HCCS: variants seen among roughly 807,000 people sequenced by gnomAD.
HCCS encodes holocytochrome c-type synthase.
In HCCS, 2 loss-of-function variants were observed where a neutral mutation model predicts 24.2. That is an observed-to-expected ratio of 0.08 (90% CI 0.03 to 0.26). HCCS has a LOEUF of 0.26. HCCS is among the 10% of genes least tolerant of loss of function. The pLI, the probability that HCCS is intolerant of heterozygous loss-of-function variation, is 1.00. For missense variants in HCCS, 150 were observed against 213.3 expected (o/e 0.70, Z 1.85); for synonymous variants, 73 against 76.2 (o/e 0.96, Z 0.22).
chrX:11,113,229 T>C (rs769065193), intron 2 of HCCS, among the ~76,000 whole-genome samples: 8 of 112,244 alleles, frequency 7.1e-5, no homozygotes, highest in Non-Finnish European at 1.1e-4. Context: ...CTGTTATTCA[T>C]TTCTTCAGTC....
At chrX:11,121,434 G>A (rs2045490966) in intron 6 of HCCS, among the ~76,000 whole-genome samples, 178 bp from the exon 7 acceptor site, 1 of 112,490 alleles carries the variant, frequency 8.9e-6, no homozygotes, top group African/African-American at 3.2e-5. Context: ...ACTTATCACA[G>A]TTCTTCAGTG....
rs139883766 is a variant in HCCS at position 11,119,762 on chromosome X, A to C, written c.521+1142A>C. Among the ~76,000 whole-genome samples, 794 of 112,186 alleles carry C rather than the reference A, an allele frequency of 7.1e-3. 7 individuals carry two copies. Among genetic ancestry groups the C allele is most frequent in the African/African-American group, 0.025 (775 of 30,844 alleles). On this transcript the variant is annotated intron_variant, in intron 5 of 6. Coordinates refer to ENST00000380762, the MANE Select transcript of HCCS (RefSeq NM_005333.5). ...CCGTGTTGCCCTCAGTAATCTCTGG[A>C]CTGAGAGGAGCCACAAGTGTTTGCA...
Position 11,116,932 on chromosome X carries a change from G to A in HCCS, c.253-335G>A, listed in dbSNP as rs754824773. On this transcript the variant is annotated intron_variant, in intron 3 of 6. Coordinates refer to ENST00000380762, the MANE Select transcript of HCCS (RefSeq NM_005333.5). ...ATGAATAGTCATTTTTGAAAAGCTTGTCGTAAAGTTTTTAGAAATGCCTGA... is the reference window on the plus strand; with the variant it reads ...ATGAATAGTCATTTTTGAAAAGCTTATCGTAAAGTTTTTAGAAATGCCTGA... Among the ~76,000 whole-genome samples, 3 of 112,744 alleles carry A rather than the reference G, an allele frequency of 2.7e-5. No homozygotes were observed. The South Asian group carries it at 1.1e-3, about 41-fold the overall frequency.
intron 2 of HCCS, among the ~76,000 whole-genome samples, chrX:11,112,568 G>A (rs1215064999): frequency 2.7e-5 from 3 of 112,353 alleles, no homozygotes. Flanking sequence ...CCCTGGGTCT[G>A]GTCGTTATTT....
intron 3 of HCCS, among the ~76,000 whole-genome samples, chrX:11,115,752 C>T (rs1362410810): frequency 8.9e-6 from 1 of 112,296 alleles, no homozygotes; most frequent in Non-Finnish European, 1.9e-5. Context: ...TTATCTTGCA[C>T]ATAGGCCTTC....
At chrX:11,117,663 T>C (rs751835579) in intron 4 of HCCS, among the ~76,000 whole-genome samples, 2 of 111,248 alleles carry the variant, frequency 1.8e-5, no homozygotes, top group East Asian at 5.7e-4. Context: ...CAGGAAGATA[T>C]TTATTGTAGG....
rs1046685344 is a variant in HCCS at position 11,114,406 on chromosome X, G to C, written c.101-429G>C. ...CCTGGATTGCAACTGTGTCCTGATT[G>C]GATCTGGGCTTCTCTGGAACTAGTG... On this transcript the variant is annotated intron_variant, in intron 2 of 6. Coordinates refer to ENST00000380762, the MANE Select transcript of HCCS (RefSeq NM_005333.5). Among the ~76,000 whole-genome samples, 7 of 111,933 alleles carry C rather than the reference G, an allele frequency of 6.3e-5. No individual in the cohort carries two copies. In the Admixed American group the frequency reaches 6.6e-4, roughly 11 times the overall value.
Position 11,120,761 on chromosome X carries a change from A to G in HCCS, c.522-146A>G, listed in dbSNP as rs1322054934. 3.2e-5 allele frequency: 17 copies of G among 538,972 alleles called. No individual in the cohort carries two copies. In the Admixed American group the frequency reaches 4.3e-4, roughly 14 times the overall value. The allele number at this position is 538,972 out of a possible 1,213,427, so 44.4% of individuals were successfully genotyped here. A position where few individuals can be genotyped will look rare whatever the true frequency, so the allele number is the denominator to read the frequency against. On this transcript the variant is annotated intron_variant, in intron 5 of 6. Transcript: ENST00000380762. ...CAAATAGGCACTTGTTGTTTGAATT[A>G]TTTTAGAACTTACCTTTCTCTGTAA...
chrX:11,113,742 A>G (rs1467599142), intron 2 of HCCS, among the ~76,000 whole-genome samples: 4 of 112,131 alleles, frequency 3.6e-5, no homozygotes, highest in African/African-American at 1.3e-4. Flanking sequence ...AAAAGTTGAA[A>G]TGTTATTTTC....
rs572801687 is a variant in HCCS at position 11,121,880 on chromosome X, T to C, written c.*70T>C. ...GATACATTAAACTATTTTCCCCAGA[T>C]TGAATTGCACTCATGATGTAATGGG... On this transcript the variant is annotated 3_prime_UTR_variant, in exon 7 of 7. Coordinates refer to ENST00000380762, the MANE Select transcript of HCCS (RefSeq NM_005333.5). 5 of 888,425 alleles carry C rather than the reference T, an allele frequency of 5.6e-6. No individual in the cohort carries two copies. In the African/African-American group the frequency reaches 9.8e-5, roughly 17 times the overall value. 73.2% of individuals were successfully genotyped at this position (888,425 alleles called of 1,213,427 possible). A position where few individuals can be genotyped will look rare whatever the true frequency, so the allele number is the denominator to read the frequency against.
intron 3 of HCCS, 119 bp from the exon 4 acceptor site, chrX:11,117,148 G>A (rs2045454184): frequency 1.1e-5 from 7 of 622,307 alleles, no homozygotes; most frequent in Non-Finnish European, 1.9e-5. Context: ...AAATTTTGAT[G>A]TCACTGATTT....
chrX:11,118,608 C>T lies in HCCS; in HGVS notation c.509C>T (p.Ala170Val). ...QAWKEILKWE[A>V]LHAAECPCGP... The stretch of plus-strand genomic sequence containing the variant: ...TGGAAGGAGATTTTGAAGTGGGAAG[C>T]CCTTCATGCTGCGTAAGTATGTTTG... Residue 170 changes from alanine (A) to valine (V), a missense_variant, in exon 5 of 7, where the codon GCC (alanine) becomes GTC (valine). Transcript: ENST00000380762. The T allele has an allele frequency of 8.3e-7, 1 of 1,206,916 alleles. No individual in the cohort carries two copies. The highest frequency in any genetic ancestry group is 1.8e-5 in the South Asian group (1 of 56,867).
At chrX:11,113,413 T>C (rs776957491) in intron 2 of HCCS, among the ~76,000 whole-genome samples, 1 of 112,512 alleles carries the variant, frequency 8.9e-6, no homozygotes, top group Non-Finnish European at 1.9e-5. Flanking sequence ...GTTTTCTCCC[T>C]ATTTTATAGT....
In HCCS at chrX:11,121,940, T is replaced by G; in HGVS notation, c.*130T>G. 3.7e-6 allele frequency: 2 copies of G among 540,693 alleles called. No individual in the cohort carries two copies. Among genetic ancestry groups the G allele is most frequent in the Non-Finnish European group, 6.3e-6 (2 of 316,498 alleles). 44.6% of individuals were successfully genotyped at this position (540,693 alleles called of 1,213,427 possible). ...TGGGTAATCACACTTTTTCCTTCAC[T>G]TAACGAAGGATACTATGCACTGTTC... On this transcript the variant is annotated 3_prime_UTR_variant, in exon 7 of 7. Coordinates refer to ENST00000380762, the MANE Select transcript of HCCS (RefSeq NM_005333.5).
In HCCS at chrX:11,118,638, C is replaced by T; in HGVS notation, c.521+18C>T. On this transcript the variant is annotated intron_variant, in intron 5 of 6. Coordinates refer to ENST00000380762, the MANE Select transcript of HCCS (RefSeq NM_005333.5). ...CATGCTGCGTAAGTATGTTTGAGAT[C>T]TTAAATGTTTCAAGCATCTTTGTTA... 8.4e-7 allele frequency: 1 copy of T among 1,196,806 alleles called. No homozygotes were observed. Among genetic ancestry groups the T allele is most frequent in the African/African-American group, 1.8e-5 (1 of 57,081 alleles).
chrX:11,122,284 T>A lies in HCCS; in HGVS notation c.*474T>A, dbSNP rs190641666. 108 of 117,829 alleles carry A rather than the reference T, an allele frequency of 9.2e-4. No individual in the cohort carries two copies. The highest frequency in any genetic ancestry group is 1.5e-3 in the Non-Finnish European group (88 of 56,875). The allele number at this position is 117,829 out of a possible 1,213,427, so 9.7% of individuals were successfully genotyped here. Reference sequence around the variant, plus strand: ...AAATAAGAGGTGATTATACCTTTTTTAAAAAAAGTTACCATTATTTCTAAA... The same window carrying A: ...AAATAAGAGGTGATTATACCTTTTTAAAAAAAAGTTACCATTATTTCTAAA... On this transcript the variant is annotated 3_prime_UTR_variant, in exon 7 of 7. Transcript: ENST00000380762.
rs16986352 is a variant in HCCS at position 11,119,779 on chromosome X, G to T, written c.522-1128G>T. 1.8e-3 allele frequency among the ~76,000 whole-genome samples: 203 copies of T among 112,335 alleles called. 1 individual carries two copies. Among genetic ancestry groups the T allele is most frequent in the African/African-American group, 6.1e-3 (190 of 30,909 alleles). On this transcript the variant is annotated intron_variant, in intron 5 of 6. Coordinates refer to ENST00000380762, the MANE Select transcript of HCCS (RefSeq NM_005333.5). ...ATCTCTGGACTGAGAGGAGCCACAA[G>T]TGTTTGCAGTGACCTACTTTGAAAG... is the stretch of plus-strand genomic sequence containing the variant.
chrX:11,114,638 G>A (rs1212746500), intron 2 of HCCS, among the ~76,000 whole-genome samples, 197 bp from the exon 3 acceptor site: 1 of 112,709 alleles, frequency 8.9e-6, no homozygotes, highest in East Asian at 2.8e-4. Flanking sequence ...CAAAGGAAAT[G>A]TAAATTTTAG....
chrX:11,118,464 G>T, intron 4 of HCCS, 37 bp from the exon 5 acceptor site: 1 of 1,163,526 alleles, frequency 8.6e-7, no homozygotes, highest in Non-Finnish European at 1.2e-6. Context: ...GCATTATCAG[G>T]AACAGTTGTC....
Sources: allele counts gnomAD v4.1 joint callset (sites outside exome capture counted in the v4.1 genomes callset), GRCh38; gene constraint gnomAD v4.1.1; transcripts MANE v1.5; gene names NCBI Gene and HGNC (gene_info 2026-07-23, HGNC 2026-07-21).